Variants in RTP2 observed in about 807,000 individuals in gnomAD.
The protein encoded by RTP2 is receptor-transporting protein 2.
A neutral mutation model predicts 17.9 loss-of-function variants in RTP2; 12 were observed. That is an observed-to-expected ratio of 0.67 (90% CI 0.43 to 1.09). The LOEUF (loss-of-function observed/expected upper bound fraction) is 1.09, where lower values mean the gene tolerates loss of function less well. Among genes scored for constraint, RTP2 ranks in the 50% least tolerant of loss-of-function variants. RTP2 has a pLI of 0.00. For missense variants in RTP2, 327 were observed against 295.7 expected (o/e 1.11, Z -0.78); for synonymous variants, 126 against 117.7 (o/e 1.07, Z -0.46).
At chr3:187,702,389 C>G (rs966264472) in exon 1 of RTP2, 19 of 547,080 alleles carry the variant, frequency 3.5e-5, no homozygotes, top group Non-Finnish European at 5.5e-5. Context: ...AGAGGCAGCG[C>G]TGGGTAGGCC....
the RTP2 span, among the ~76,000 whole-genome samples, chr3:187,710,194 C>A: frequency 6.6e-6 from 1 of 152,052 alleles, no homozygotes; most frequent in Non-Finnish European, 1.5e-5. Context: ...CCCTCAACTC[C>A]TGATTCTCAG....
upstream of RTP2, among the ~76,000 whole-genome samples, chr3:187,704,192 T>C (rs112794946): frequency 9.2e-5 from 14 of 152,360 alleles, no homozygotes; most frequent in African/African-American, 3.1e-4. Context: ...ACCTGTATTC[T>C]GCAAACAAAT....
chr3:187,698,938 G>C (rs750464884), exon 2 of RTP2: 9 of 1,608,506 alleles, frequency 5.6e-6, no homozygotes, highest in Non-Finnish European at 7.7e-6. Flanking sequence ...CGCTGGGCGC[G>C]GTCCAGGAAC....
the RTP2 span, among the ~76,000 whole-genome samples, chr3:187,707,732 T>G: frequency 6.6e-6 from 1 of 152,236 alleles, no homozygotes; most frequent in Non-Finnish European, 1.5e-5. Context: ...CATGATCCTA[T>G]TTGCATATCA....
At chr3:187,698,989 G>A (rs1365583769) in exon 2 of RTP2, 3 of 1,590,336 alleles carry the variant, frequency 1.9e-6, no homozygotes, top group East Asian at 4.5e-5. Flanking sequence ...TGCCAGGTGT[G>A]CCAGCACCAG....
chr3:187,706,654 G>A (rs1381844751), upstream of RTP2, among the ~76,000 whole-genome samples: 1 of 152,152 alleles, frequency 6.6e-6, no homozygotes, highest in Non-Finnish European at 1.5e-5. Context: ...GCAAGTTGGA[G>A]TGCAATGGCG....
chr3:187,708,515 G>T, the RTP2 span, among the ~76,000 whole-genome samples: 6 of 152,148 alleles, frequency 3.9e-5, no homozygotes, highest in South Asian at 8.3e-4. Context: ...CTGGTCAGGG[G>T]ACAACACCAA....
At chr3:187,706,564 C>A (rs528520079), upstream of RTP2, among the ~76,000 whole-genome samples, 168 of 152,300 alleles carry the variant, frequency 1.1e-3, no homozygotes, top group Non-Finnish European at 2.1e-3. Context: ...ACATGAAGAA[C>A]CAATGCATGC....
the RTP2 span, among the ~76,000 whole-genome samples, chr3:187,710,693 G>C: frequency 6.6e-6 from 1 of 151,658 alleles, no homozygotes; most frequent in Non-Finnish European, 1.5e-5. Flanking sequence ...CATTTCTCTG[G>C]ACAACCCGGA....
the RTP2 span, among the ~76,000 whole-genome samples, chr3:187,709,242 A>T: frequency 1.3e-5 from 2 of 152,184 alleles, no homozygotes; most frequent in Admixed American, 6.5e-5. Flanking sequence ...TATGGCATTG[A>T]CATCTTCCAA....
chr3:187,715,619 T>C, the RTP2 span: 290 of 456,232 alleles, frequency 6.4e-4, 1 homozygote, highest in African/African-American at 4.9e-3. Context: ...TCCTTTATGA[T>C]AGAGTTGGAT....
At chr3:187,712,396 T>C in the RTP2 span, among the ~76,000 whole-genome samples, 3 of 152,232 alleles carry the variant, frequency 2.0e-5, no homozygotes, top group Admixed American at 6.5e-5. Context: ...TTTATTATGT[T>C]TTGTCATAGC....
At chr3:187,714,999 A>T in the RTP2 span, among the ~76,000 whole-genome samples, 1 of 152,098 alleles carries the variant, frequency 6.6e-6, no homozygotes, top group Non-Finnish European at 1.5e-5. Flanking sequence ...AAAACAAAGA[A>T]AGACACAACT....
chr3:187,699,290 C>T (rs535633338), intron 1 of RTP2, among the ~76,000 whole-genome samples: 1 of 152,168 alleles, frequency 6.6e-6, no homozygotes, highest in Non-Finnish European at 1.5e-5. Flanking sequence ...AGCTGCCCCC[C>T]AGCCCGATGC....
chr3:187,705,033 C>T (rs1178937515), upstream of RTP2, among the ~76,000 whole-genome samples: 1 of 152,118 alleles, frequency 6.6e-6, no homozygotes, highest in Non-Finnish European at 1.5e-5. Context: ...GCTCTGGAAT[C>T]TGTATTAAGA....
At chr3:187,698,277 AT>A (rs1717736943) in exon 2 of RTP2, 1 of 540,412 alleles carries the variant, frequency 1.9e-6, no homozygotes, top group Non-Finnish European at 3.3e-6. Context: ...TAAAACCTTT[AT>A]TACACCCTTT....
At chr3:187,709,336 C>T in the RTP2 span, among the ~76,000 whole-genome samples, 1 of 152,166 alleles carries the variant, frequency 6.6e-6, no homozygotes, top group Non-Finnish European at 1.5e-5. Context: ...CTATCTGAAA[C>T]CTGCATCAGC....
At chr3:187,711,388 C>T in the RTP2 span, among the ~76,000 whole-genome samples, 2 of 152,202 alleles carry the variant, frequency 1.3e-5, no homozygotes, top group Admixed American at 1.3e-4. Flanking sequence ...GAACCCACTG[C>T]TCTCCGGTTA....
intron 1 of RTP2, 69 bp downstream of exon 1, chr3:187,701,896 C>G: frequency 7.0e-7 from 1 of 1,428,736 alleles, no homozygotes; most frequent in Non-Finnish European, 9.4e-7. Context: ...CTCTGTCTCT[C>G]CTTGGAAAGT....
Sources: allele counts gnomAD v4.1 joint callset (sites outside exome capture counted in the v4.1 genomes callset), GRCh38; gene constraint gnomAD v4.1.1; transcripts MANE v1.5; gene names NCBI Gene and HGNC (gene_info 2026-07-23, HGNC 2026-07-21).